Variants in PRCP observed in about 807,000 individuals in gnomAD.
The protein encoded by PRCP is lysosomal Pro-X carboxypeptidase.
Under a neutral mutation model 54.2 loss-of-function variants are expected in PRCP, and 46 were observed. That is an observed-to-expected ratio of 0.85 (90% CI 0.67 to 1.09). The LOEUF is 1.09. Among genes scored for constraint, PRCP ranks in the 50% least tolerant of loss-of-function variants. The pLI is 0.00. For synonymous variants in PRCP, 240 were observed against 212.2 expected (o/e 1.13, Z -1.14); for missense variants, 613 against 596.8 (o/e 1.03, Z -0.28).
chr11:82,876,764 A>C (rs1039740799), intron 1 of PRCP, among the ~76,000 whole-genome samples: 1 of 152,138 alleles, frequency 6.6e-6, no homozygotes, highest in Non-Finnish European at 1.5e-5. Context: ...TTTTCTTCCC[A>C]GTCCCGGGTA....
intron 1 of PRCP, among the ~76,000 whole-genome samples, chr11:82,884,175 G>C (rs548715973): frequency 6.6e-6 from 1 of 152,188 alleles, no homozygotes; most frequent in Non-Finnish European, 1.5e-5. Flanking sequence ...GCCATTGTTT[G>C]GGTTGTAGTT....
intron 2 of PRCP, among the ~76,000 whole-genome samples, chr11:82,856,888 T>C (rs555143501): frequency 6.6e-6 from 1 of 151,768 alleles, no homozygotes; most frequent in South Asian, 2.1e-4. Context: ...TACAAAAAAT[T>C]AGCCGGGCGT....
intron 2 of PRCP, among the ~76,000 whole-genome samples, chr11:82,856,659 T>G (rs1220595497): frequency 6.7e-6 from 1 of 149,272 alleles, no homozygotes; most frequent in Non-Finnish European, 1.5e-5. Flanking sequence ...TTAACAAACC[T>G]GCACATGTAC....
At chr11:82,860,582 GA>G (rs1161047598) in intron 1 of PRCP, among the ~76,000 whole-genome samples, 6 of 151,794 alleles carry the variant, frequency 4.0e-5, no homozygotes, top group Non-Finnish European at 8.8e-5. Flanking sequence ...CATTTTTTGT[GA>G]TAAGACCACT....
intron 6 of PRCP, 41 bp downstream of exon 6, chr11:82,849,008 G>A (rs754145939): frequency 3.2e-6 from 5 of 1,574,960 alleles, no homozygotes; most frequent in Non-Finnish European, 4.3e-6. Context: ...TAAAAAAAAA[G>A]TGTGTTATTA....
At chr11:82,897,433 T>C (rs929048066) in intron 1 of PRCP, among the ~76,000 whole-genome samples, 10 of 152,200 alleles carry the variant, frequency 6.6e-5, no homozygotes, top group African/African-American at 2.2e-4. Flanking sequence ...CTAGGTATTG[T>C]AGAGTACTAA....
chr11:82,897,848 T>G (rs11233366), intron 1 of PRCP, among the ~76,000 whole-genome samples: 1 of 152,036 alleles, frequency 6.6e-6, no homozygotes, highest in Admixed American at 6.5e-5. Context: ...TAAAACCACA[T>G]CCTTTATATA....
chr11:82,874,787 T>TC (rs996519921), intron 1 of PRCP, among the ~76,000 whole-genome samples: 1 of 151,696 alleles, frequency 6.6e-6, no homozygotes, highest in Non-Finnish European at 1.5e-5. Flanking sequence ...AACAGGGTGG[T>TC]CAGAAAAGAA....
At chr11:82,866,195 G>A (rs920197248) in intron 1 of PRCP, among the ~76,000 whole-genome samples, 9 of 152,214 alleles carry the variant, frequency 5.9e-5, no homozygotes, top group Admixed American at 1.3e-4. Context: ...TTGACTTAAA[G>A]AATTAAAGAG....
At chr11:82,833,379 G>C (rs564467522) in intron 8 of PRCP, among the ~76,000 whole-genome samples, 1 of 152,154 alleles carries the variant, frequency 6.6e-6, no homozygotes, top group Non-Finnish European at 1.5e-5. Flanking sequence ...AAGAGGATGA[G>C]AAAGGACATT....
chr11:82,876,605 T>A (rs1458200666), intron 1 of PRCP, among the ~76,000 whole-genome samples: 1 of 152,160 alleles, frequency 6.6e-6, no homozygotes, highest in Non-Finnish European at 1.5e-5. Context: ...GAATAAGTCT[T>A]ACAAGATCTG....
At position 82,882,392 on chromosome 11, in the gene PRCP, T is replaced by G. The variant is rs148176385; in HGVS notation, c.168+17843A>C. Reference sequence around the variant, plus strand: ...TTAAACCTGTTTTGGACACCTGAGTTGTGCTGAGATATCCATATTAGGGAC... The same window carrying G: ...TTAAACCTGTTTTGGACACCTGAGTGGTGCTGAGATATCCATATTAGGGAC... On this transcript the variant is annotated intron_variant, in intron 1 of 8. Coordinates refer to ENST00000313010, the MANE Select transcript of PRCP (RefSeq NM_005040.4). 1.1e-3 allele frequency among the ~76,000 whole-genome samples: 168 copies of G among 152,304 alleles called. 1 individual carries two copies. The highest frequency in any genetic ancestry group is 4.0e-3 in the African/African-American group (168 of 41,566).
At chr11:82,829,143 T>G (rs535134191) in intron 8 of PRCP, 5 of 152,334 alleles carry the variant, frequency 3.3e-5, no homozygotes, top group Non-Finnish European at 7.4e-5. Flanking sequence ...CTTGTCTCCC[T>G]ACAATTTAAT....
chr11:82,890,477 T>A (rs563195497), intron 1 of PRCP, among the ~76,000 whole-genome samples: 1 of 152,316 alleles, frequency 6.6e-6, no homozygotes, highest in East Asian at 1.9e-4. Flanking sequence ...GCCTAAGATA[T>A]CCCACTACCA....
chr11:82,888,728 A>C (rs569598438), intron 1 of PRCP, among the ~76,000 whole-genome samples: 8 of 152,214 alleles, frequency 5.3e-5, no homozygotes, highest in Non-Finnish European at 1.2e-4. Flanking sequence ...CTGACATTCT[A>C]TCATGCTCTC....
intron 6 of PRCP, among the ~76,000 whole-genome samples, chr11:82,847,319 G>T (rs1234120660): frequency 6.6e-6 from 1 of 152,156 alleles, no homozygotes; most frequent in Non-Finnish European, 1.5e-5. Flanking sequence ...TCCTAACCCA[G>T]TGCAATGCAG....
rs538336267 is a variant in PRCP, at chr11:82,884,385, C to T, written c.168+15850G>A. On this transcript the variant is annotated intron_variant, in intron 1 of 8. Transcript: ENST00000313010. ...CCAACCTGGGCAACCTGTAGAAACC[C>T]CATCTCTACAAAAAAATACAAAAAT... Among the ~76,000 whole-genome samples the T allele has an allele frequency of 4.6e-5, 7 of 152,188 alleles. No homozygotes were observed. In the East Asian group the frequency reaches 5.8e-4, roughly 13 times the overall value.
chr11:82,899,552 G>C (rs1166426861), intron 1 of PRCP, among the ~76,000 whole-genome samples: 1 of 152,128 alleles, frequency 6.6e-6, no homozygotes, highest in Non-Finnish European at 1.5e-5. Context: ...CAAGACCTGT[G>C]GGGGAATGCC....
At chr11:82,879,671 T>A (rs1428173877) in intron 1 of PRCP, among the ~76,000 whole-genome samples, 2 of 152,264 alleles carry the variant, frequency 1.3e-5, no homozygotes, top group East Asian at 3.8e-4. Flanking sequence ...TGTGGTTTTA[T>A]CTACCTTTGG....
Sources: allele counts gnomAD v4.1 joint callset (sites outside exome capture counted in the v4.1 genomes callset), GRCh38; gene constraint gnomAD v4.1.1; transcripts MANE v1.5; gene names NCBI Gene and HGNC (gene_info 2026-07-23, HGNC 2026-07-21).